Variants in KCNT2 observed in about 807,000 individuals in gnomAD.
KCNT2 encodes the protein potassium channel subfamily T member 2.
In KCNT2, 67 loss-of-function variants were observed where a neutral mutation model predicts 153.8. That is an observed-to-expected ratio of 0.44 (90% CI 0.36 to 0.53). The LOEUF (loss-of-function observed/expected upper bound fraction) is 0.53. KCNT2 is among the 20% of genes least tolerant of loss of function. KCNT2 has a pLI of 0.00. For synonymous variants in KCNT2, 500 were observed against 458.8 expected, an observed-to-expected ratio of 1.09 and a Z score of -1.15; for missense variants, 975 against 1,354.8, an observed-to-expected ratio of 0.72 and a Z score of 4.40.
chr1:196,251,632 G>A (rs55797122), intron 26 of KCNT2, among the ~76,000 whole-genome samples: 3,294 of 151,988 alleles, frequency 0.022, 104 homozygotes, highest in African/African-American at 0.074. Context: ...GGAGAAAGGG[G>A]ATAGTTATTG....
At chr1:196,583,548 A>C (rs1158563307) in intron 1 of KCNT2, among the ~76,000 whole-genome samples, 1 of 152,116 alleles carries the variant, frequency 6.6e-6, no homozygotes, top group Admixed American at 6.6e-5. Context: ...TGAAAAGAGC[A>C]AAGAACCAAG....
At chr1:196,430,264 C>T (rs907519422) in intron 8 of KCNT2, among the ~76,000 whole-genome samples, 2 of 151,794 alleles carry the variant, frequency 1.3e-5, no homozygotes, top group African/African-American at 4.8e-5. Context: ...AATTTAATTG[C>T]CATTGTACCA....
intron 1 of KCNT2, among the ~76,000 whole-genome samples, chr1:196,590,353 C>T (rs1043159316): frequency 3.9e-5 from 6 of 152,142 alleles, no homozygotes; most frequent in African/African-American, 1.4e-4. Context: ...AGGTGATCAG[C>T]AGATGCCAGC....
chr1:196,296,895 A>G (rs1289828898), intron 22 of KCNT2, among the ~76,000 whole-genome samples: 1 of 152,134 alleles, frequency 6.6e-6, no homozygotes, highest in Non-Finnish European at 1.5e-5. Flanking sequence ...TCAAATAGTG[A>G]TGGACATACT....
At chr1:196,287,000 T>G (rs924787240) in intron 22 of KCNT2, among the ~76,000 whole-genome samples, 2 of 152,036 alleles carry the variant, frequency 1.3e-5, no homozygotes, top group Admixed American at 6.6e-5. Context: ...CTGTTTCTAA[T>G]GTAATAAATG....
At chr1:196,441,947 A>T (rs1483023598) in intron 8 of KCNT2, among the ~76,000 whole-genome samples, 1 of 151,818 alleles carries the variant, frequency 6.6e-6, no homozygotes, top group Non-Finnish European at 1.5e-5. Flanking sequence ...AAAGAGACAA[A>T]ACAATGGAAT....
At chr1:196,368,765 C>T (rs911943375) in intron 14 of KCNT2, among the ~76,000 whole-genome samples, 1 of 152,078 alleles carries the variant, frequency 6.6e-6, no homozygotes, top group Non-Finnish European at 1.5e-5. Flanking sequence ...GTCATTTCTC[C>T]CAAATCCCTA....
At chr1:196,267,176 T>C (rs1657623364) in intron 25 of KCNT2, among the ~76,000 whole-genome samples, 1 of 152,220 alleles carries the variant, frequency 6.6e-6, no homozygotes, top group Admixed American at 6.5e-5. Flanking sequence ...AGGTATGACA[T>C]TACATTGATG....
rs141858634 is a variant in KCNT2 at position 196,519,580 on chromosome 1, A to G, written c.96-27239T>C. On this transcript the variant is annotated intron_variant, in intron 1 of 27. Coordinates refer to ENST00000294725, the MANE Select transcript of KCNT2 (RefSeq NM_198503.5). ...TAATATAGAAAAGAAATAAGATCCA[A>G]ATAAGCACAATCAGAAACAACAAAG... is the stretch of plus-strand genomic sequence containing the variant. 3.2e-3 allele frequency among the ~76,000 whole-genome samples: 488 copies of G among 152,194 alleles called. 10 individuals are homozygous for G. Among genetic ancestry groups the G allele is most frequent in the Admixed American group, 0.029 (437 of 15,278 alleles).
chr1:196,320,359 G>T (rs1663169041), intron 19 of KCNT2, among the ~76,000 whole-genome samples: 1 of 151,680 alleles, frequency 6.6e-6, no homozygotes, highest in South Asian at 2.1e-4. Flanking sequence ...ATATGCAAAA[G>T]AATATCCTGT....
intron 1 of KCNT2, among the ~76,000 whole-genome samples, chr1:196,518,940 G>A (rs1652976045): frequency 6.6e-6 from 1 of 151,948 alleles, no homozygotes; most frequent in Non-Finnish European, 1.5e-5. Context: ...GACCATATGG[G>A]TATGATAGAC....
intron 23 of KCNT2, 132 bp from the exon 24 acceptor site, chr1:196,282,488 C>A (rs979497997): frequency 1.9e-6 from 1 of 526,760 alleles, no homozygotes; most frequent in Admixed American, 3.3e-5. Context: ...TTTAACCCTC[C>A]ATACAAAAGT....
chr1:196,378,079 C>T (rs1247715919), intron 13 of KCNT2, among the ~76,000 whole-genome samples: 2 of 152,036 alleles, frequency 1.3e-5, no homozygotes, highest in Admixed American at 6.6e-5. Context: ...TCAAGAGTGG[C>T]CACAGAGAAT....
chr1:196,595,111 G>C (rs1663886790), intron 1 of KCNT2, among the ~76,000 whole-genome samples: 1 of 151,918 alleles, frequency 6.6e-6, no homozygotes, highest in African/African-American at 2.4e-5. Flanking sequence ...AAGTGCTGTA[G>C]TAATTTAAAT....
At chr1:196,457,590 A>T (rs961390214) in intron 8 of KCNT2, among the ~76,000 whole-genome samples, 2 of 151,780 alleles carry the variant, frequency 1.3e-5, no homozygotes, top group African/African-American at 2.4e-5. Context: ...GAGAGTAATT[A>T]AGGAAGTTAA....
chr1:196,289,986 A>C (rs987674757), intron 22 of KCNT2, among the ~76,000 whole-genome samples: 2 of 152,002 alleles, frequency 1.3e-5, no homozygotes, highest in African/African-American at 2.4e-5. Context: ...TGGAAGAAGG[A>C]ATGTGTTTCT....
chr1:196,293,872 A>C (rs1233845174), intron 22 of KCNT2, among the ~76,000 whole-genome samples: 2 of 150,292 alleles, frequency 1.3e-5, no homozygotes, highest in African/African-American at 4.9e-5. Context: ...AAAAAAAAAA[A>C]ACAAAAAAAC....
chr1:196,373,471 C>T (rs1312112554), intron 13 of KCNT2, among the ~76,000 whole-genome samples: 1 of 151,822 alleles, frequency 6.6e-6, no homozygotes, highest in Non-Finnish European at 1.5e-5. Context: ...CCTGTCTCAA[C>T]AAATTTAGCA....
intron 1 of KCNT2, among the ~76,000 whole-genome samples, chr1:196,566,547 T>C (rs545278558): frequency 2.0e-5 from 3 of 152,188 alleles, no homozygotes; most frequent in African/African-American, 7.2e-5. Flanking sequence ...GCCCTCTCCA[T>C]ACGTCAGGTG....
Sources: allele counts gnomAD v4.1 joint callset (sites outside exome capture counted in the v4.1 genomes callset), GRCh38; gene constraint gnomAD v4.1.1; transcripts MANE v1.5; gene names NCBI Gene and HGNC (gene_info 2026-07-23, HGNC 2026-07-21).